ALOX5AP: variants seen among roughly 807,000 people sequenced by gnomAD.
The protein encoded by ALOX5AP is arachidonate 5-lipoxygenase activating protein, also known as arachidonate 5-lipoxygenase-activating protein.
In ALOX5AP, 9 loss-of-function variants were observed where a neutral mutation model predicts 18.5. The observed-to-expected ratio is 0.49, with a 90% CI of 0.29 to 0.85. The LOEUF (loss-of-function observed/expected upper bound fraction) is 0.85. ALOX5AP is among the 40% of genes least tolerant of loss of function. The pLI, the probability that ALOX5AP is intolerant of heterozygous loss-of-function variation, is 0.08. For missense variants in ALOX5AP, 172 were observed against 202.5 expected (o/e 0.85, Z 0.91); for synonymous variants, 81 against 78.6 (o/e 1.03, Z -0.16).
intron 1 of ALOX5AP, among the ~76,000 whole-genome samples, chr13:30,740,318 C>A (rs3885907): frequency 0.59 from 89,333 of 152,116 alleles, 26,489 homozygotes; most frequent in East Asian, 0.73. Flanking sequence ...TCTGGCCCTC[C>A]GTTTCCTTCA....
At chr13:30,715,313 C>T (rs1258244139) in intron 1 of ALOX5AP, among the ~76,000 whole-genome samples, 1 of 152,196 alleles carries the variant, frequency 6.6e-6, no homozygotes, top group Non-Finnish European at 1.5e-5. Context: ...AGCACTTGGT[C>T]CCGTGCCTGG....
chr13:30,718,738 G>A (rs75691899), intron 1 of ALOX5AP, among the ~76,000 whole-genome samples: 1,780 of 152,280 alleles, frequency 0.012, 34 homozygotes, highest in African/African-American at 0.041. Flanking sequence ...GCCGGGATCA[G>A]GGTCGCCCTA....
At chr13:30,719,027 G>A (rs1951572070) in intron 1 of ALOX5AP, among the ~76,000 whole-genome samples, 2 of 152,186 alleles carry the variant, frequency 1.3e-5, no homozygotes, top group Non-Finnish European at 2.9e-5. Flanking sequence ...GTGCCTGTCA[G>A]CGCAGTGCAG....
In ALOX5AP at chr13:30,751,182, G is replaced by A. The variant is rs193156327; in HGVS notation, c.171-870G>A. Among the ~76,000 whole-genome samples the A allele has an allele frequency of 1.6e-3, 239 of 152,268 alleles. 1 individual carries two copies. Among genetic ancestry groups the A allele is most frequent in the Non-Finnish European group, 2.5e-3 (173 of 68,026 alleles). On this transcript the variant is annotated intron_variant, in intron 2 of 4. Transcript: ENST00000380490. ...AGGTTCAAGTGATTCTCCTGCCTCAGCCTCCTGAGTAGCTGGGATTACAGG... is the reference window on the plus strand; with the variant it reads ...AGGTTCAAGTGATTCTCCTGCCTCAACCTCCTGAGTAGCTGGGATTACAGG...
rs528200082 is a variant in ALOX5AP at position 30,728,755 on chromosome 13, G to A, written c.117-6796G>A. Among the ~76,000 whole-genome samples, 12 of 152,238 alleles carry A rather than the reference G, an allele frequency of 7.9e-5. No homozygotes were observed. In the East Asian group the frequency reaches 1.9e-3, roughly 24 times the overall value. On this transcript the variant is annotated intron_variant, in intron 1 of 5. Transcript: ENST00000617770. ...CCCAGCTACTCAGGAGGCTGAGGTG[G>A]GAGATTCACCTGAGCCCAGATCTTT... is the stretch of plus-strand genomic sequence containing the variant.
intron 1 of ALOX5AP, among the ~76,000 whole-genome samples, chr13:30,721,375 C>T (rs946066321): frequency 6.6e-6 from 1 of 152,198 alleles, no homozygotes; most frequent in African/African-American, 2.4e-5. Context: ...CTGAGGATAG[C>T]TAAAGGGTCT....
In ALOX5AP at chr13:30,714,918, G is replaced by GAGCT. The variant is rs531629701; in HGVS notation, c.116+1077_116+1078insAGCT. Among the ~76,000 whole-genome samples the GAGCT allele has an allele frequency of 3.4e-3, 511 of 152,112 alleles. 1 individual carries two copies. The highest frequency in any genetic ancestry group is 5.6e-3 in the Non-Finnish European group (384 of 67,998). Reference sequence around the variant, plus strand: ...TATCATATTACCCACTGTACTCCCCGCTTAGAGCTGTGTCAAGGTTCTGAG... The same window carrying GAGCT: ...TATCATATTACCCACTGTACTCCCCGAGCTCTTAGAGCTGTGTCAAGGTTCTGAG... On this transcript the variant is annotated intron_variant, in intron 1 of 5. Coordinates refer to the ALOX5AP transcript ENST00000617770.
chr13:30,741,331 C>T (rs1951762291), intron 1 of ALOX5AP, among the ~76,000 whole-genome samples: 1 of 149,720 alleles, frequency 6.7e-6, no homozygotes, highest in Admixed American at 6.7e-5. Flanking sequence ...AGGATGGTCT[C>T]GACACATCCT....
intron 1 of ALOX5AP, among the ~76,000 whole-genome samples, chr13:30,721,436 T>A (rs1457485943): frequency 2.0e-5 from 3 of 152,048 alleles, no homozygotes; most frequent in African/African-American, 7.3e-5. Flanking sequence ...TTTTTTTAAG[T>A]GAGAAATCTG....
chr13:30,717,641 G>A (rs1951559751), intron 1 of ALOX5AP, among the ~76,000 whole-genome samples: 1 of 152,210 alleles, frequency 6.6e-6, no homozygotes, highest in African/African-American at 2.4e-5. Flanking sequence ...AGATGCATAG[G>A]GCGAGGTGTG....
intron 1 of ALOX5AP, among the ~76,000 whole-genome samples, chr13:30,718,382 C>CATATATATATATATATATATATATAT (rs59562797): frequency 2.1e-5 from 3 of 139,678 alleles, no homozygotes; most frequent in Admixed American, 7.2e-5. Flanking sequence ...CACAGATATG[C>CATATATATATATATATATATATATAT]ATATATATAT....
At chr13:30,736,952 C>T (rs1345337898) in intron 1 of ALOX5AP, among the ~76,000 whole-genome samples, 3 of 152,108 alleles carry the variant, frequency 2.0e-5, no homozygotes, top group Admixed American at 2.0e-4. Context: ...TGCTCTGGCC[C>T]AGATAGTATT....
At chr13:30,749,296 C>T (rs1202013717) in intron 2 of ALOX5AP, among the ~76,000 whole-genome samples, 1 of 152,084 alleles carries the variant, frequency 6.6e-6, no homozygotes, top group Non-Finnish European at 1.5e-5. Flanking sequence ...CAGACAAAAT[C>T]GCTACTTAAA....
Position 30,760,595 on chromosome 13 carries a change from G to A in ALOX5AP, c.324-3349G>A, listed in dbSNP as rs141539822. 1.9e-3 allele frequency among the ~76,000 whole-genome samples: 294 copies of A among 152,346 alleles called. 2 individuals carry two copies. Among genetic ancestry groups the A allele is most frequent in the African/African-American group, 6.8e-3 (281 of 41,570 alleles). ...AAATCCTGGTCTCCGAAGTCTGAAG[G>A]CATCCTTTGCCCTGCAGTGCAAAGC... On this transcript the variant is annotated intron_variant, in intron 4 of 4. Coordinates refer to ENST00000380490, the MANE Select transcript of ALOX5AP (RefSeq NM_001629.4).
intron 2 of ALOX5AP, 138 bp from the exon 3 acceptor site, chr13:30,751,914 G>C (rs140352699): frequency 3.7e-6 from 3 of 803,444 alleles, no homozygotes; most frequent in South Asian, 3.4e-5. Context: ...TTATTGGGTA[G>C]ATGTAAGTGG....
intron 1 of ALOX5AP, among the ~76,000 whole-genome samples, chr13:30,726,496 T>C (rs1380232504): frequency 6.6e-6 from 1 of 152,216 alleles, no homozygotes; most frequent in Non-Finnish European, 1.5e-5. Context: ...TGTCCATCTA[T>C]ATTCCATCTG....
At position 30,763,976 on chromosome 13, in the gene ALOX5AP, T is replaced by C; in HGVS notation, c.356T>C (p.Ile119Thr). Reference protein sequence around the residue: ...TPGYIFGKRIILFLFLMSVAG... With the variant: ...TPGYIFGKRITLFLFLMSVAG... ...GGCTACATATTTGGGAAACGCATCA[T>C]ACTCTTCCTGTTCCTCATGTCCGTT... is the stretch of plus-strand genomic sequence containing the variant. Residue 119 changes from isoleucine (I) to threonine (T), a missense_variant, in exon 5 of 5, where the codon ATA (isoleucine) becomes ACA (threonine). Physicochemically the swap from Ile to Thr is moderately conservative, Grantham distance 89. Transcript: ENST00000380490. The C allele has an allele frequency of 6.2e-7, 1 of 1,614,202 alleles. No homozygotes were observed.
chr13:30,726,019 G>C (rs536850457), intron 1 of ALOX5AP, among the ~76,000 whole-genome samples: 1 of 152,294 alleles, frequency 6.6e-6, no homozygotes, highest in African/African-American at 2.4e-5. Flanking sequence ...CAAGAATCAT[G>C]GGGTCAAAAT....
At chr13:30,759,264 C>G (rs1951921661) in intron 4 of ALOX5AP, among the ~76,000 whole-genome samples, 1 of 152,146 alleles carries the variant, frequency 6.6e-6, no homozygotes, top group Non-Finnish European at 1.5e-5. Flanking sequence ...TCTTCCTATC[C>G]CATGGAGTCC....
Sources: gnomAD v4.1 joint callset for allele counts (sites outside exome capture counted in the v4.1 genomes callset) on GRCh38, gnomAD v4.1.1 for gene constraint, MANE v1.5 for transcripts, NCBI Gene and HGNC (gene_info 2026-07-23, HGNC 2026-07-21) for gene names.